The following L3MBTL4 variants were observed in gnomAD, a reference collection of about 807,000 sequenced individuals.
L3MBTL4 encodes the protein lethal(3)malignant brain tumor-like protein 4.
Under a neutral mutation model 84.5 loss-of-function variants are expected in L3MBTL4, and 70 were observed. The observed-to-expected ratio is 0.83, with a 90% CI of 0.68 to 1.01. The LOEUF is 1.01. L3MBTL4 is among the 50% of genes least tolerant of loss of function. The pLI, the probability that L3MBTL4 is intolerant of heterozygous loss-of-function variation, is 0.00. For synonymous variants in L3MBTL4, 274 were observed against 259.8 expected, an observed-to-expected ratio of 1.05 and a Z score of -0.52; for missense variants, 715 against 754.8, an observed-to-expected ratio of 0.95 and a Z score of 0.62.
intron 17 of L3MBTL4, among the ~76,000 whole-genome samples, chr18:5,966,301 C>T (rs980065639): frequency 6.6e-6 from 1 of 152,114 alleles, no homozygotes; most frequent in Non-Finnish European, 1.5e-5. Flanking sequence ...AAAGCTCTGG[C>T]CCTTATCCAT....
intron 15 of L3MBTL4, among the ~76,000 whole-genome samples, chr18:6,085,606 G>T (rs563233721): frequency 1.2e-4 from 19 of 152,206 alleles, no homozygotes; most frequent in African/African-American, 3.6e-4. Context: ...TTAGTGTTTG[G>T]TAGTTCCTCC....
chr18:6,060,813 C>A (rs1490839702), intron 16 of L3MBTL4, among the ~76,000 whole-genome samples: 1 of 152,054 alleles, frequency 6.6e-6, no homozygotes, highest in Non-Finnish European at 1.5e-5. Context: ...AATTAAGGCT[C>A]CTTCATGTCT....
chr18:6,161,550 T>C (rs576774773), intron 13 of L3MBTL4, among the ~76,000 whole-genome samples: 52 of 152,262 alleles, frequency 3.4e-4, no homozygotes, highest in Admixed American at 9.2e-4. Context: ...ACTAGAAAAA[T>C]AGAAACAAAC....
chr18:6,001,822 T>C (rs916856533), intron 16 of L3MBTL4, among the ~76,000 whole-genome samples: 79 of 152,186 alleles, frequency 5.2e-4, no homozygotes, highest in African/African-American at 1.9e-3. Flanking sequence ...AATATACACA[T>C]TGCAGGAGTT....
intron 4 of L3MBTL4, among the ~76,000 whole-genome samples, chr18:6,294,176 T>C (rs1257220028): frequency 6.6e-6 from 1 of 152,056 alleles, no homozygotes; most frequent in Non-Finnish European, 1.5e-5. Flanking sequence ...GAAAAAAAAA[T>C]CTTTGTCCTG....
chr18:6,029,348 A>T, intron 16 of L3MBTL4: 2 of 611,622 alleles, frequency 3.3e-6, no homozygotes, highest in Non-Finnish European at 4.1e-6. Flanking sequence ...CAAGGGGAAA[A>T]TTAGAATAAA....
chr18:6,364,290 G>T (rs1208382304), intron 1 of L3MBTL4, among the ~76,000 whole-genome samples: 1 of 151,870 alleles, frequency 6.6e-6, no homozygotes, highest in Non-Finnish European at 1.5e-5. Context: ...GTTAAGTAAT[G>T]ATTATATTGT....
At chr18:6,050,844 T>C (rs1028175070) in intron 16 of L3MBTL4, among the ~76,000 whole-genome samples, 1 of 152,186 alleles carries the variant, frequency 6.6e-6, no homozygotes, top group African/African-American at 2.4e-5. Flanking sequence ...CAAATTTTGT[T>C]GTAGAATGTG....
intron 15 of L3MBTL4, among the ~76,000 whole-genome samples, chr18:6,090,328 A>T (rs62079164): frequency 0.049 from 7,427 of 152,162 alleles, 214 homozygotes; most frequent in African/African-American, 0.083. Flanking sequence ...GTGAACATAA[A>T]TAGACTATTT....
At chr18:6,330,370 G>A (rs147774838) in intron 1 of L3MBTL4, among the ~76,000 whole-genome samples, 2 of 152,334 alleles carry the variant, frequency 1.3e-5, no homozygotes, top group East Asian at 3.9e-4. Flanking sequence ...AGAAGCTCTA[G>A]AAGATAATCC....
At chr18:6,193,415 C>T (rs2045220277) in intron 12 of L3MBTL4, among the ~76,000 whole-genome samples, 2 of 152,188 alleles carry the variant, frequency 1.3e-5, no homozygotes, top group Admixed American at 1.3e-4. Flanking sequence ...CTGGAAATAA[C>T]CACGAGGAGC....
At chr18:6,215,212 G>C (rs558148218) in intron 11 of L3MBTL4, among the ~76,000 whole-genome samples, 1 of 152,260 alleles carries the variant, frequency 6.6e-6, no homozygotes, top group East Asian at 1.9e-4. Flanking sequence ...ATCTTTAACT[G>C]TACTACCTAT....
At chr18:5,960,637 G>T (rs2095258880) in intron 17 of L3MBTL4, 2 of 152,368 alleles carry the variant, frequency 1.3e-5, no homozygotes, top group African/African-American at 4.8e-5. Flanking sequence ...GGAGATCAGA[G>T]AATCTATGTG....
intron 17 of L3MBTL4, among the ~76,000 whole-genome samples, chr18:5,962,418 C>T (rs1342457105): frequency 6.6e-6 from 1 of 152,166 alleles, no homozygotes; most frequent in Non-Finnish European, 1.5e-5. Context: ...AGGAGGAATG[C>T]AGTTTGGCTG....
Position 6,191,558 on chromosome 18 carries a change from A to G in L3MBTL4, c.982-19616T>C, listed in dbSNP as rs541074568. Among the ~76,000 whole-genome samples the G allele has an allele frequency of 2.6e-4, 40 of 152,336 alleles. No homozygotes were observed. In the South Asian group the frequency reaches 8.3e-3, roughly 32 times the overall value. ...CATAAAACGGACAAGTCGAGTAGGT[A>G]GACTGATATAGGAGTTTGCAGTTCA... On this transcript the variant is annotated intron_variant, in intron 12 of 18. Transcript: ENST00000317931.
chr18:6,284,469 G>C (rs1039462766), intron 4 of L3MBTL4, among the ~76,000 whole-genome samples: 3 of 152,172 alleles, frequency 2.0e-5, no homozygotes, highest in African/African-American at 7.2e-5. Context: ...GCCGGGAGGA[G>C]GAAAGGGCCC....
At chr18:6,192,466 AG>A (rs2045157727) in intron 12 of L3MBTL4, among the ~76,000 whole-genome samples, 1 of 152,070 alleles carries the variant, frequency 6.6e-6, no homozygotes, top group African/African-American at 2.4e-5. Flanking sequence ...CAACAGGAGC[AG>A]GCAGGTGCAG....
intron 5 of L3MBTL4, among the ~76,000 whole-genome samples, chr18:6,247,900 G>A (rs1485360437): frequency 6.6e-6 from 1 of 151,808 alleles, no homozygotes; most frequent in African/African-American, 2.4e-5. Context: ...TCCTTCTCAG[G>A]GTATCGCATT....
intron 14 of L3MBTL4, among the ~76,000 whole-genome samples, chr18:6,129,551 T>C (rs975054273): frequency 5.3e-5 from 8 of 152,214 alleles, no homozygotes; most frequent in Non-Finnish European, 1.2e-4. Context: ...GATTTCTCTC[T>C]GAACATATGT....
Sources: allele counts gnomAD v4.1 joint callset (sites outside exome capture counted in the v4.1 genomes callset), GRCh38; gene constraint gnomAD v4.1.1; transcripts MANE v1.5; gene names NCBI Gene and HGNC (gene_info 2026-07-23, HGNC 2026-07-21).